The following KHDRBS2 variants were observed in gnomAD, a reference collection of about 807,000 sequenced individuals.
KHDRBS2 encodes KH RNA binding domain containing, signal transduction associated 2.
Under a neutral mutation model 44.3 loss-of-function variants are expected in KHDRBS2, and 26 were observed. The ratio of observed to expected loss-of-function variants is 0.59; its 90% CI spans 0.43 to 0.81. The LOEUF (loss-of-function observed/expected upper bound fraction) is 0.81, where lower values mean the gene tolerates loss of function less well. Among genes scored for constraint, KHDRBS2 ranks in the 40% least tolerant of loss-of-function variants. The pLI is 0.00. For synonymous variants in KHDRBS2, 194 were observed against 151.1 expected (o/e 1.28, Z -2.08); for missense variants, 476 against 433.1 (o/e 1.10, Z -0.88).
At chr6:61,964,029 A>C (rs1769346902) in intron 4 of KHDRBS2, among the ~76,000 whole-genome samples, 1 of 152,064 alleles carries the variant, frequency 6.6e-6, no homozygotes, top group Non-Finnish European at 1.5e-5. Flanking sequence ...TGACTTTATG[A>C]AGGGTAATGT....
At chr6:62,074,496 C>A (rs943147116) in intron 2 of KHDRBS2, among the ~76,000 whole-genome samples, 1 of 151,876 alleles carries the variant, frequency 6.6e-6, no homozygotes, top group Non-Finnish European at 1.5e-5. Flanking sequence ...TCATGTCTGG[C>A]TTTTGAGTGG....
chr6:61,967,053 T>A lies in KHDRBS2; in HGVS notation c.483+11013A>T, dbSNP rs532483608. On this transcript the variant is annotated intron_variant, in intron 4 of 8. Coordinates refer to ENST00000281156, the MANE Select transcript of KHDRBS2 (RefSeq NM_152688.4). ...TGTATATTTTTAACTGAGATAAATT[T>A]AAAAAAATAGAATTATGGTAGTTTC... Among the ~76,000 whole-genome samples, 305 of 151,920 alleles carry A rather than the reference T, an allele frequency of 2.0e-3. 1 individual carries two copies. The highest frequency in any genetic ancestry group is 7.1e-3 in the African/African-American group (294 of 41,508).
In KHDRBS2 at chr6:62,103,751, C is replaced by T. The variant is rs564699004; in HGVS notation, c.220-55757G>A. On this transcript the variant is annotated intron_variant, in intron 2 of 8. Coordinates refer to ENST00000281156, the MANE Select transcript of KHDRBS2 (RefSeq NM_152688.4). ...ACAGCTGGCGACCTTGCAGTGGCCC[C>T]TCCAGGCAGGCTGCTGCTGCCATCA... 1.4e-3 allele frequency among the ~76,000 whole-genome samples: 216 copies of T among 152,278 alleles called. 1 individual carries two copies. Among genetic ancestry groups the T allele is most frequent in the African/African-American group, 5.0e-3 (206 of 41,564 alleles).
chr6:61,704,316 C>A (rs1258283384), intron 7 of KHDRBS2, among the ~76,000 whole-genome samples: 1 of 151,704 alleles, frequency 6.6e-6, no homozygotes, highest in Non-Finnish European at 1.5e-5. Flanking sequence ...ATAGAAAAAC[C>A]ATTAAACAAG....
intron 2 of KHDRBS2, among the ~76,000 whole-genome samples, chr6:62,083,703 G>A (rs1310608195): frequency 6.6e-6 from 1 of 152,146 alleles, no homozygotes; most frequent in Non-Finnish European, 1.5e-5. Flanking sequence ...AGAGCTGTGG[G>A]CTGAGTAAAT....
chr6:62,274,408 T>A (rs1197262213), intron 1 of KHDRBS2, among the ~76,000 whole-genome samples: 1 of 152,180 alleles, frequency 6.6e-6, no homozygotes, highest in Non-Finnish European at 1.5e-5. Context: ...GCATTGCTTG[T>A]AGCATAAAAT....
Position 61,772,431 on chromosome 6 carries a change from A to T in KHDRBS2, c.811-39667T>A, listed in dbSNP as rs1459895103. Among the ~76,000 whole-genome samples, 5 of 152,188 alleles carry T rather than the reference A, an allele frequency of 3.3e-5. No individual in the cohort carries two copies. In the South Asian group the frequency reaches 8.3e-4, roughly 25 times the overall value. On this transcript the variant is annotated intron_variant, in intron 6 of 8. Coordinates refer to ENST00000281156, the MANE Select transcript of KHDRBS2 (RefSeq NM_152688.4). Reference sequence around the variant, plus strand: ...AATTGATAGACCGCTAGCAAGACCAATAAAGAAGAAAAGAATAAAATAGAC... The same window carrying T: ...AATTGATAGACCGCTAGCAAGACCATTAAAGAAGAAAAGAATAAAATAGAC...
At chr6:62,053,534 C>T (rs1442793544) in intron 2 of KHDRBS2, among the ~76,000 whole-genome samples, 3 of 151,882 alleles carry the variant, frequency 2.0e-5, no homozygotes, top group Non-Finnish European at 4.4e-5. Flanking sequence ...AAAAGGCTAG[C>T]ATTTTATTTG....
chr6:61,939,025 G>T (rs1360836200), intron 4 of KHDRBS2, among the ~76,000 whole-genome samples: 2 of 152,044 alleles, frequency 1.3e-5, no homozygotes, highest in African/African-American at 2.4e-5. Context: ...AGACATTTTT[G>T]ATTGTCACAC....
At chr6:62,161,913 G>A (rs959159282) in intron 2 of KHDRBS2, among the ~76,000 whole-genome samples, 30 of 151,850 alleles carry the variant, frequency 2.0e-4, no homozygotes, top group Admixed American at 1.5e-3. Flanking sequence ...CACCTTTACA[G>A]CTTTATACCT....
the KHDRBS2 span, among the ~76,000 whole-genome samples, chr6:61,673,525 C>G: frequency 6.8e-6 from 1 of 147,400 alleles, no homozygotes; most frequent in Non-Finnish European, 1.5e-5. Flanking sequence ...CTAGAAAACC[C>G]CATCGTCTCA....
rs547485525 is a variant in KHDRBS2 at position 61,911,729 on chromosome 6, G to A, written c.484-10358C>T. ...ATTTTTCCCCAAATTAAAATGCTGT[G>A]ATTATTCCTTCTAGCTGTATTTTTG... is the stretch of plus-strand genomic sequence containing the variant. On this transcript the variant is annotated intron_variant, in intron 4 of 8. Transcript: ENST00000281156. 5.9e-5 allele frequency among the ~76,000 whole-genome samples: 9 copies of A among 152,016 alleles called. No homozygotes were observed. The South Asian group carries it at 1.9e-3, about 32-fold the overall frequency.
At chr6:61,621,683 T>G in the KHDRBS2 span, among the ~76,000 whole-genome samples, 89,843 of 152,010 alleles carry the variant, frequency 0.59, 26,763 homozygotes, top group African/African-American at 0.61. Flanking sequence ...TCCACGTTCT[T>G]GTATAATTCC....
the KHDRBS2 span, among the ~76,000 whole-genome samples, chr6:61,649,630 A>G: frequency 6.6e-6 from 1 of 152,196 alleles, no homozygotes; most frequent in Admixed American, 6.5e-5. Flanking sequence ...CTTTCTTAGT[A>G]AATAGAACTA....
rs550187290 is a variant in KHDRBS2, at chr6:62,217,634, C to T, written c.92-40322G>A. 3.3e-5 allele frequency among the ~76,000 whole-genome samples: 5 copies of T among 151,896 alleles called. No individual in the cohort carries two copies. The South Asian group carries it at 1.0e-3, about 32-fold the overall frequency. Reference sequence around the variant, plus strand: ...AAAAATGACATTTAGGCTACATTTTCTTGAAAAATGATCAACTGATGTCTT... The same window carrying T: ...AAAAATGACATTTAGGCTACATTTTTTTGAAAAATGATCAACTGATGTCTT... On this transcript the variant is annotated intron_variant, in intron 1 of 8. Coordinates refer to ENST00000281156, the MANE Select transcript of KHDRBS2 (RefSeq NM_152688.4).
intron 4 of KHDRBS2, among the ~76,000 whole-genome samples, chr6:61,929,454 G>A (rs7742849): frequency 0.37 from 55,811 of 151,938 alleles, 10,779 homozygotes; most frequent in African/African-American, 0.48. Context: ...CTTAGTCATC[G>A]TAATAGCAAT....
intron 3 of KHDRBS2, among the ~76,000 whole-genome samples, chr6:62,020,481 G>A (rs1403916564): frequency 6.6e-6 from 1 of 151,896 alleles, no homozygotes; most frequent in Non-Finnish European, 1.5e-5. Flanking sequence ...TGAAAATATT[G>A]TTCAACTCTT....
chr6:61,937,358 T>C (rs1465197944), intron 4 of KHDRBS2, among the ~76,000 whole-genome samples: 1 of 152,074 alleles, frequency 6.6e-6, no homozygotes, highest in Non-Finnish European at 1.5e-5. Flanking sequence ...ATTCTTATTT[T>C]AAAATTTATT....
chr6:61,645,176 A>G, the KHDRBS2 span, among the ~76,000 whole-genome samples: 1 of 152,044 alleles, frequency 6.6e-6, no homozygotes, highest in Non-Finnish European at 1.5e-5. Context: ...CATGGATGGA[A>G]CTGGAGGCCA....
Sources: allele counts gnomAD v4.1 joint callset (sites outside exome capture counted in the v4.1 genomes callset), GRCh38; gene constraint gnomAD v4.1.1; transcripts MANE v1.5; gene names NCBI Gene and HGNC (gene_info 2026-07-23, HGNC 2026-07-21).